The following RPH3AL variants were observed in gnomAD, a reference collection of about 807,000 sequenced individuals.
RPH3AL encodes rabphilin 3A like (without C2 domains).
Under a neutral mutation model 43.1 loss-of-function variants are expected in RPH3AL, and 38 were observed. That is an observed-to-expected ratio of 0.88 (90% CI 0.68 to 1.15). The LOEUF (loss-of-function observed/expected upper bound fraction) is 1.15. RPH3AL is among the 50% of genes most tolerant of loss of function. The pLI is 0.00. For synonymous variants in RPH3AL, 189 were observed against 176.3 expected (o/e 1.07, Z -0.57); for missense variants, 462 against 423.2 (o/e 1.09, Z -0.81).
At chr17:350,952 T>C (rs1391616581) in intron 1 of RPH3AL, among the ~76,000 whole-genome samples, 2 of 152,202 alleles carry the variant, frequency 1.3e-5, no homozygotes, top group African/African-American at 2.4e-5. Flanking sequence ...CATTCCATGA[T>C]AGGCCAGGAG....
chr17:282,811 G>T (rs113348751), intron 5 of RPH3AL, among the ~76,000 whole-genome samples: 71 of 152,316 alleles, frequency 4.7e-4, no homozygotes, highest in African/African-American at 1.4e-3. Flanking sequence ...TTACTGTACC[G>T]AAGGCTGCAG....
chr17:260,615 A>G (rs782517223), intron 6 of RPH3AL, among the ~76,000 whole-genome samples: 1 of 152,142 alleles, frequency 6.6e-6, no homozygotes, highest in African/African-American at 2.4e-5. Flanking sequence ...GGTCTTCTCA[A>G]TTACACTGCA....
rs780621733 is a variant in RPH3AL, at chr17:333,975, C to T, written c.-212-41G>A. 6.6e-6 allele frequency: 1 copy of T among 152,426 alleles called. No homozygotes were observed. 9.4% of individuals were successfully genotyped at this position (152,426 alleles called of 1,614,324 possible). On this transcript the variant is annotated intron_variant, in intron 1 of 9. Transcript: ENST00000331302. This position sits in a 1 kb window ranked among gnomAD's most constrained non-coding sequence, Gnocchi z 4.5. ...TAAATAAATAAAATAAAATAAAGGG[C>T]CTCTTCTTTGCAAACAGTTGCATCT...
Position 222,434 on chromosome 17 carries a change from G to C in RPH3AL, c.614-2698C>G, listed in dbSNP as rs776323796. 4.9e-4 allele frequency among the ~76,000 whole-genome samples: 74 copies of C among 152,324 alleles called. 1 individual carries two copies. Among genetic ancestry groups the C allele is most frequent in the Non-Finnish European group, 1.0e-4 (7 of 68,022 alleles). On this transcript the variant is annotated intron_variant, in intron 7 of 9. Transcript: ENST00000331302. ...CGCACAGTGCAGTCTCACAAATGCG[G>C]AAGGGAACCAGACGGATGGGGCTGG...
chr17:238,312 C>G (rs2041450597), intron 7 of RPH3AL, among the ~76,000 whole-genome samples: 1 of 150,536 alleles, frequency 6.6e-6, no homozygotes, highest in Admixed American at 6.6e-5. Context: ...AAACGAAACT[C>G]CAGAAAGAGA....
chr17:250,474 C>T (rs1396641708), intron 6 of RPH3AL, among the ~76,000 whole-genome samples: 4 of 149,380 alleles, frequency 2.7e-5, no homozygotes, highest in African/African-American at 9.9e-5. Context: ...AGTGCCATCG[C>T]TGTGGGACCT....
At chr17:242,832 C>CCCTTCCTCTATTGATTA (rs2041598194) in intron 7 of RPH3AL, among the ~76,000 whole-genome samples, 1 of 122,584 alleles carries the variant, frequency 8.2e-6, no homozygotes, top group Non-Finnish European at 1.8e-5. Context: ...CTATTGATTA[C>CCCTTCCTCTATTGATTA]CCTTCCTCTA....
Position 290,261 on chromosome 17 carries a change from G to A in RPH3AL, c.352-8407C>T, listed in dbSNP as rs2043017589. 6.6e-6 allele frequency among the ~76,000 whole-genome samples: 1 copy of A among 152,234 alleles called. No individual in the cohort carries two copies. The highest frequency in any genetic ancestry group is 1.5e-5 in the Non-Finnish European group (1 of 68,048). ...CAGGATTGTGGGAGGCCAAACCAGG[G>A]AGAGCCACACAGCGGGCAAGTGTCC... On this transcript the variant is annotated intron_variant, in intron 5 of 9. Transcript: ENST00000331302. The surrounding 1 kb of genome is among the most constrained non-coding windows in gnomAD (Gnocchi z 4.2).
chr17:307,230 AT>A (rs2043516316), intron 5 of RPH3AL, among the ~76,000 whole-genome samples: 6 of 14,830 alleles, frequency 4.0e-4, no homozygotes, highest in Admixed American at 1.3e-3. Flanking sequence ...CGGCAGGTCC[AT>A]CCCACGGCAG....
At chr17:311,100 T>C (rs2151654819) in intron 5 of RPH3AL, among the ~76,000 whole-genome samples, 1 of 152,144 alleles carries the variant, frequency 6.6e-6, no homozygotes, top group Middle Eastern at 3.4e-3. Context: ...ACTGCTCAAA[T>C]GCAGCTCGTC....
At chr17:347,714 C>A (rs1462990733) in intron 1 of RPH3AL, among the ~76,000 whole-genome samples, 1 of 152,184 alleles carries the variant, frequency 6.6e-6, no homozygotes, top group East Asian at 1.9e-4. Context: ...ATAAACTGAA[C>A]AGTTATCTCT....
Position 322,932 on chromosome 17 carries a change from C to T in RPH3AL, c.78-1517G>A, listed in dbSNP as rs1279272100. Among the ~76,000 whole-genome samples, 1 of 152,066 alleles carries T rather than the reference C, an allele frequency of 6.6e-6. No individual in the cohort carries two copies. The highest frequency in any genetic ancestry group is 1.5e-5 in the Non-Finnish European group (1 of 68,028). On this transcript the variant is annotated intron_variant, in intron 3 of 9. Coordinates refer to ENST00000331302, the MANE Select transcript of RPH3AL (RefSeq NM_006987.4). The surrounding 1 kb of genome is among the most constrained non-coding windows in gnomAD (Gnocchi z 4.0). ...TCCCGTCCCTTCCCAGATGCGAGAC[C>T]TCGGATGAGGCTCTCACCCTTGGTT...
chr17:319,348 T>C lies in RPH3AL; in HGVS notation c.351+72A>G, dbSNP rs1567518847. The C allele has an allele frequency of 3.2e-6, 5 of 1,550,616 alleles. No homozygotes were observed. In the South Asian group the frequency reaches 4.8e-5, roughly 15 times the overall value. ...ACATACACACTCCTGGGAGCCAGGA[T>C]GCAAAGCCACAGCGCAGCGGGGCTG... On this transcript the variant is annotated intron_variant, in intron 5 of 9. Transcript: ENST00000331302.
chr17:277,489 T>C (rs1597997861), intron 6 of RPH3AL, among the ~76,000 whole-genome samples: 1 of 152,304 alleles, frequency 6.6e-6, no homozygotes, highest in South Asian at 2.1e-4. Flanking sequence ...AGAACTTAAA[T>C]ATCTGGGCAA....
chr17:269,206 C>T (rs143411810), intron 6 of RPH3AL, among the ~76,000 whole-genome samples: 3 of 151,872 alleles, frequency 2.0e-5, no homozygotes, highest in Admixed American at 6.6e-5. Context: ...GACGAGGGAT[C>T]GCCATGTTGC....
intron 5 of RPH3AL, among the ~76,000 whole-genome samples, chr17:311,719 C>T (rs1395700836): frequency 6.6e-6 from 1 of 152,160 alleles, no homozygotes; most frequent in Admixed American, 6.5e-5. Flanking sequence ...GAGGCGTTTC[C>T]CTGCCGGCTC....
chr17:243,650 CCCTTCCTCT>C, intron 7 of RPH3AL, among the ~76,000 whole-genome samples: 1 of 67,106 alleles, frequency 1.5e-5, no homozygotes, highest in African/African-American at 6.3e-5. Context: ...CTATTGATTA[CCCTTCCTCT>C]ATTGACTACC....
intron 6 of RPH3AL, among the ~76,000 whole-genome samples, chr17:258,153 T>C (rs1382599234): frequency 6.6e-6 from 1 of 152,212 alleles, no homozygotes; most frequent in Non-Finnish European, 1.5e-5. Context: ...TGTTCATAGG[T>C]ACGTGGGGTG....
At chr17:219,208 T>A in intron 8 of RPH3AL, among the ~76,000 whole-genome samples, 1 of 139,398 alleles carries the variant, frequency 7.2e-6, no homozygotes, top group Non-Finnish European at 1.5e-5. Context: ...TTTTTTTTTT[T>A]TTTTTTTTTG....
Sources: allele counts gnomAD v4.1 joint callset (sites outside exome capture counted in the v4.1 genomes callset), GRCh38; gene constraint gnomAD v4.1.1; non-coding constraint Gnocchi (gnomAD v3.1); transcripts MANE v1.5; gene names NCBI Gene and HGNC (gene_info 2026-07-23, HGNC 2026-07-21).